The following TTN variants were observed in gnomAD, a reference collection of about 807,000 sequenced individuals.
TTN encodes the protein titin.
In TTN, 1,525 loss-of-function variants were observed where a neutral mutation model predicts 3,223.0. The observed-to-expected ratio is 0.47, with a 90% CI of 0.45 to 0.49. The LOEUF (loss-of-function observed/expected upper bound fraction) is 0.49, where lower values mean the gene tolerates loss of function less well. Ranked by LOEUF, TTN falls within the 20% of genes least tolerant of loss-of-function variation. The pLI, the probability that TTN is intolerant of heterozygous loss-of-function variation, is 0.00. For missense variants in TTN, 40,786 were observed against 43,424.0 expected (o/e 0.94, Z 5.40); for synonymous variants, 14,094 against 15,161.0 (o/e 0.93, Z 5.17).
rs182489815 is a variant in TTN at position 178,594,402 on chromosome 2, A to G, written c.58092T>C (p.Ile19364=). Residue 19364 remains isoleucine (I), a synonymous_variant, in exon 296 of 363, where the codon ATT becomes ATC. Coordinates refer to ENST00000589042, the MANE Select transcript of TTN (RefSeq NM_001267550.2). ...TYEYRVSAVN[I]VGQGKPSFCT... is the part of the protein sequence containing the mutation. ...AAAATGATGGTTTGCCTTGTCCAAC[A>G]ATGTTGACAGCACTGACACGGTACT... 1.1e-5 allele frequency: 18 copies of G among 1,606,750 alleles called. No individual in the cohort carries two copies. The highest frequency in any genetic ancestry group is 1.5e-5 in the Non-Finnish European group (18 of 1,175,792).
Position 178,724,364 on chromosome 2 carries a change from G to A in TTN, c.21011C>T (p.Ser7004Phe). ...CCTTTCAACTGAGAGAATCCTTAAG[G>A]AAGAGATTTTGTTGTAGAAGCTAAA... ...HKFSFYNKIS[S>F]LRILSVERQD... The change falls in exon 72 of 363, where the codon TCC becomes TTC. Residue 7004 changes from serine to phenylalanine, a missense_variant. Ser to Phe is a radical substitution (Grantham distance 155, BLOSUM62 -2). Transcript: ENST00000589042. 6.2e-7 allele frequency: 1 copy of A among 1,613,526 alleles called. No individual in the cohort carries two copies. The highest frequency in any genetic ancestry group is 8.5e-7 in the Non-Finnish European group (1 of 1,179,608).
At chr2:178,708,828 A>G (rs2076237330) in intron 99 of TTN, among the ~76,000 whole-genome samples, 1 of 152,190 alleles carries the variant, frequency 6.6e-6, no homozygotes, top group South Asian at 2.1e-4. Flanking sequence ...ACCAGATCAT[A>G]AGAGTTGGTA....
chr2:178,800,909 C>T (rs1016602765), intron 3 of TTN, among the ~76,000 whole-genome samples: 1 of 152,168 alleles, frequency 6.6e-6, no homozygotes, highest in African/African-American at 2.4e-5. Context: ...CTTTGTTTTG[C>T]TGAGCAGTTT....
In TTN at chr2:178,599,022, C is replaced by T; in HGVS notation, c.56688G>A (p.Val18896=). 1 of 1,596,168 alleles carries T rather than the reference C, an allele frequency of 6.3e-7. No homozygotes were observed. The highest frequency in any genetic ancestry group is 8.5e-7 in the Non-Finnish European group (1 of 1,170,426). The change falls in exon 291 of 363, where the codon GTG becomes GTA. Residue 18896 remains valine, a synonymous_variant. Transcript: ENST00000589042. ...AGTTGACAGTCATGGAGTTACGAGTCACGCTGCTAACTGTTGGTTTATCTG... is the reference window on the plus strand; with the variant it reads ...AGTTGACAGTCATGGAGTTACGAGTTACGCTGCTAACTGTTGGTTTATCTG... ...GAPDKPTVSS[V]TRNSMTVNWE...
chr2:178,730,889 A>C (rs1286554811), intron 60 of TTN, 36 bp downstream of exon 60: 1 of 1,543,314 alleles, frequency 6.5e-7, no homozygotes, highest in Non-Finnish European at 8.7e-7. Flanking sequence ...GGAGCATGGA[A>C]ATGCCCAATC....
rs1335662975 is a variant in TTN at position 178,611,125 on chromosome 2, T to TA, written c.51003_51004insT (p.Thr17002TyrfsTer5). ...GCAGAGATGTGATCATTCTTCATTG[T>TA]TAATCTATCACTTGCTTTAACTTCT... On this transcript the variant is annotated frameshift_variant, in exon 270 of 363. Coordinates refer to ENST00000589042, the MANE Select transcript of TTN (RefSeq NM_001267550.2). LOFTEE classifies it high-confidence loss of function. The TA allele has an allele frequency of 6.2e-7, 1 of 1,612,854 alleles. No homozygotes were observed. Among genetic ancestry groups the TA allele is most frequent in the Non-Finnish European group, 8.5e-7 (1 of 1,179,228 alleles).
At chr2:178,750,780 C>T (rs759303436) in intron 47 of TTN, 2 of 1,613,120 alleles carry the variant, frequency 1.2e-6, no homozygotes, top group Non-Finnish European at 1.7e-6. Context: ...GGTGTAATAG[C>T]TTGAGACACA....
intron 159 of TTN, 76 bp downstream of exon 159, chr2:178,669,297 A>G: frequency 8.1e-7 from 1 of 1,228,128 alleles, no homozygotes; most frequent in Non-Finnish European, 1.1e-6. Flanking sequence ...TTACTTTTCA[A>G]AGCTAAAAAG....
chr2:178,804,712 G>C (rs1475753736), intron 1 of TTN, 57 bp from the exon 2 acceptor site: 2 of 1,505,874 alleles, frequency 1.3e-6, no homozygotes, highest in African/African-American at 2.7e-5. Context: ...CTCTGGAGCT[G>C]CTTTGCAGAT....
At position 178,701,108 on chromosome 2, in the gene TTN, G is replaced by A. The variant is rs2074890277; in HGVS notation, c.30682+12C>T. The A allele has an allele frequency of 1.2e-6, 2 of 1,607,836 alleles. No individual in the cohort carries two copies. The highest frequency in any genetic ancestry group is 1.7e-5 in the Admixed American group (1 of 59,484). ...TTCTTATTTCGACATCTAGGTAGAT[G>A]AGGTATAATACCTTCAATACGTTTT... On this transcript the variant is annotated intron_variant, in intron 111 of 362. Coordinates refer to ENST00000589042, the MANE Select transcript of TTN (RefSeq NM_001267550.2).
chr2:178,670,311 T>G lies in TTN; in HGVS notation c.35309-16A>C. 7.3e-7 allele frequency: 1 copy of G among 1,362,800 alleles called. No individual in the cohort carries two copies. The allele number at this position is 1,362,800 out of a possible 1,614,324, so 84.4% of individuals were successfully genotyped here. A position where few individuals can be genotyped will look rare whatever the true frequency, so the allele number is the denominator to read the frequency against. On this transcript the variant is annotated splice_polypyrimidine_tract_variant and intron_variant, in intron 156 of 362. Transcript: ENST00000589042. ...ACCTCCGGTACTTTAAAGATAATAG[T>G]AATAATTTCTTTTATTTTTAAATAT...
Position 178,619,827 on chromosome 2 carries a change from A to G in TTN, c.46490T>C (p.Val15497Ala), listed in dbSNP as rs2057998545. 2 of 1,612,276 alleles carry G rather than the reference A, an allele frequency of 1.2e-6. No individual in the cohort carries two copies. Among genetic ancestry groups the G allele is most frequent in the South Asian group, 1.1e-5 (1 of 91,002 alleles). Residue 15497 changes from valine (V) to alanine (A), a missense_variant, in exon 250 of 363, where the codon GTT becomes GCT. Coordinates refer to ENST00000589042, the MANE Select transcript of TTN (RefSeq NM_001267550.2). ...TTTATTGAGTTCTGCTAAAAAGACAACATCAGCACCAGGGGCTTCAAGAAT... is the reference window on the plus strand; with the variant it reads ...TTTATTGAGTTCTGCTAAAAAGACAGCATCAGCACCAGGGGCTTCAAGAAT... ...QDILEAPGAD[V>A]VFLAELNKDK... is the part of the protein sequence containing the mutation.
In TTN at chr2:178,546,536, C is replaced by T. The variant is rs902923755; in HGVS notation, c.94829-34G>A. ...AGGCAAAACAGATATGAATGAATATCTGAGAGTTTATTTTCACATAAATTG... is the reference window on the plus strand; with the variant it reads ...AGGCAAAACAGATATGAATGAATATTTGAGAGTTTATTTTCACATAAATTG... On this transcript the variant is annotated intron_variant, in intron 341 of 362. Coordinates refer to ENST00000589042, the MANE Select transcript of TTN (RefSeq NM_001267550.2). 3 of 1,597,762 alleles carry T rather than the reference C, an allele frequency of 1.9e-6. No individual in the cohort carries two copies. The African/African-American group carries it at 4.0e-5, about 21-fold the overall frequency.
At chr2:178,694,744 T>G in intron 116 of TTN, 68 bp from the exon 117 acceptor site, 1 of 1,494,250 alleles carries the variant, frequency 6.7e-7, no homozygotes, top group African/African-American at 1.4e-5. Flanking sequence ...TTAAAAGTAT[T>G]TGATTATATA....
At position 178,790,002 on chromosome 2, in the gene TTN, T is replaced by C. The variant is rs727504691; in HGVS notation, c.1914A>G (p.Glu638=). The C allele has an allele frequency of 1.7e-5, 28 of 1,613,002 alleles. No homozygotes were observed. Among genetic ancestry groups the C allele is most frequent in the Non-Finnish European group, 2.3e-5 (27 of 1,179,366 alleles). The part of the protein sequence containing the change: ...RGREGITTKR[E]QVQITQEKMR... Reference sequence around the variant, plus strand: ...CCTTCTCCTGAGTTATTTGCACTTGTTCTCTTTTGGTAGTAATGCCTTCTC... The same window carrying C: ...CCTTCTCCTGAGTTATTTGCACTTGCTCTCTTTTGGTAGTAATGCCTTCTC... Residue 638 remains glutamate, a synonymous_variant, in exon 12 of 363, where the codon GAA becomes GAG. Transcript: ENST00000589042.
intron 41 of TTN, among the ~76,000 whole-genome samples, chr2:178,765,257 T>G (rs1368115636): frequency 2.0e-5 from 3 of 152,254 alleles, no homozygotes; most frequent in Non-Finnish European, 2.9e-5. Flanking sequence ...CATAGTCATT[T>G]TGTTATGTAC....
At chr2:178,747,396 A>G (rs750597829) in intron 47 of TTN, 2 of 1,613,376 alleles carry the variant, frequency 1.2e-6, no homozygotes, top group South Asian at 1.1e-5. Context: ...AAGTCAGGGG[A>G]CTTTGGAGAT....
rs746578 is a variant in TTN, at chr2:178,740,453, C to T, written c.12780G>A (p.Ala4260=). 234,422 of 1,613,234 alleles carry T rather than the reference C, an allele frequency of 0.15. 20,284 individuals are homozygous for T. Among genetic ancestry groups the T allele is most frequent in the East Asian group, 0.47 (21,061 of 44,738 alleles). Residue 4260 remains alanine, a synonymous_variant, in exon 48 of 363, where the codon GCG becomes GCA. Coordinates refer to ENST00000589042, the MANE Select transcript of TTN (RefSeq NM_001267550.2). ...VTLQKQEAQS[A]LILSQSLAEG... is the part of the protein sequence containing the mutation. ...CAGCTAAGCTCTGACTCAAGATGAG[C>T]GCACTTTGTGCCTCTTGCTTTTGAA...
intron 117 of TTN, 113 bp downstream of exon 117, chr2:178,694,486 G>T (rs1278380225): frequency 8.1e-6 from 5 of 618,988 alleles, no homozygotes; most frequent in African/African-American, 5.6e-5. Flanking sequence ...ATGTAAAAAT[G>T]TGCTGTTTTT....
Sources: allele counts gnomAD v4.1 joint callset (sites outside exome capture counted in the v4.1 genomes callset), GRCh38; gene constraint gnomAD v4.1.1; transcripts MANE v1.5; gene names NCBI Gene and HGNC (gene_info 2026-07-23, HGNC 2026-07-21).